The following CDH23 variants were observed in gnomAD, a reference collection of about 807,000 sequenced individuals.
The protein encoded by CDH23 is cadherin-23.
CDH23 carries 189 observed loss-of-function variants against 317.1 expected under a neutral mutation model. The observed-to-expected ratio is 0.60, with a 90% CI of 0.53 to 0.67. The LOEUF is 0.67. CDH23 is among the 30% of genes least tolerant of loss of function. The pLI is 0.00. For missense variants in CDH23, 4,401 were observed against 4,592.4 expected, an observed-to-expected ratio of 0.96 and a Z score of 1.20; for synonymous variants, 1,839 against 1,876.8, an observed-to-expected ratio of 0.98 and a Z score of 0.52.
In CDH23 at chr10:71,439,871, C is replaced by A. The variant is rs1234236566; in HGVS notation, c.40C>A (p.Leu14Ile). The change falls in exon 2 of 70, where the codon CTT becomes ATT. Residue 14 changes from leucine (L) to isoleucine (I), a missense_variant. Physicochemically the swap from Leu to Ile is conservative, Grantham distance 5. Coordinates refer to ENST00000224721, the MANE Select transcript of CDH23 (RefSeq NM_022124.6). ...TGCCACCAGCTGCCACGTGGCCTGG[C>A]TTTTGGTGCTGATCTCTGGATGCTG... is the stretch of plus-strand genomic sequence containing the variant. ...HVATSCHVAW[L>I]LVLISGCWGQ... 1 of 1,575,574 alleles carries A rather than the reference C, an allele frequency of 6.3e-7. No individual in the cohort carries two copies. Among genetic ancestry groups the A allele is most frequent in the South Asian group, 1.2e-5 (1 of 85,712 alleles).
chr10:71,436,658 A>G (rs1301919357), intron 1 of CDH23, among the ~76,000 whole-genome samples: 1 of 152,132 alleles, frequency 6.6e-6, no homozygotes, highest in Non-Finnish European at 1.5e-5. Flanking sequence ...ACCCGTGAAA[A>G]TCCTTGGCCT....
intron 6 of CDH23, among the ~76,000 whole-genome samples, chr10:71,540,250 C>A (rs1855914558): frequency 6.6e-6 from 1 of 152,176 alleles, no homozygotes; most frequent in Non-Finnish European, 1.5e-5. Context: ...GGAACCCACC[C>A]TCTTATCAGC....
At chr10:71,790,540 G>C in intron 46 of CDH23, 127 bp downstream of exon 46, 1 of 1,248,098 alleles carries the variant, frequency 8.0e-7, no homozygotes, top group South Asian at 1.5e-5. Flanking sequence ...ATTTTTCACA[G>C]CCCAGAGTCC....
chr10:71,626,720 G>A (rs150003666), intron 11 of CDH23, among the ~76,000 whole-genome samples: 32 of 152,324 alleles, frequency 2.1e-4, no homozygotes, highest in African/African-American at 5.8e-4. Flanking sequence ...CCAGCATCCC[G>A]TGGGGCAGAT....
chr10:71,798,132 C>T (rs1232833992), intron 49 of CDH23, among the ~76,000 whole-genome samples: 1 of 152,088 alleles, frequency 6.6e-6, no homozygotes, highest in Admixed American at 6.5e-5. Flanking sequence ...GGGCCGAGGG[C>T]TCCACCAGGG....
At chr10:71,419,317 C>T (rs1418621175) in intron 1 of CDH23, among the ~76,000 whole-genome samples, 1 of 152,194 alleles carries the variant, frequency 6.6e-6, no homozygotes, top group African/African-American at 2.4e-5. Context: ...AGCAACATCC[C>T]TTAGCCTCTG....
rs370107953 is a variant in CDH23 at position 71,706,972 on chromosome 10, G to A, written c.3029G>A (p.Arg1010His). The part of the protein sequence containing the change: ...YNVSVSEDVP[R>H]EFRVVWLNCT... ...GTGTCTGTGTCCGAGGACGTGCCAC[G>A]CGAGTTCCGGGTGGTCTGGCTGAAC... Residue 1010 changes from arginine to histidine, a missense_variant, in exon 26 of 70, where the codon CGC becomes CAC. Transcript: ENST00000224721. 1.4e-4 allele frequency: 225 copies of A among 1,607,202 alleles called. No individual in the cohort carries two copies. Among genetic ancestry groups the A allele is most frequent in the Admixed American group, 2.5e-4 (15 of 59,164 alleles).
At chr10:71,755,822 C>A (rs1840128012) in intron 38 of CDH23, among the ~76,000 whole-genome samples, 1 of 152,160 alleles carries the variant, frequency 6.6e-6, no homozygotes, top group South Asian at 2.1e-4. Flanking sequence ...AGGGCCTTCG[C>A]AGACCCCATG....
chr10:71,570,658 G>A, intron 7 of CDH23, 132 bp from the exon 8 acceptor site: 1 of 942,136 alleles, frequency 1.1e-6, no homozygotes, highest in Non-Finnish European at 1.6e-6. Context: ...AAGAGCATGG[G>A]TGTGTGTGTG....
chr10:71,570,639 C>A (rs539595748), intron 7 of CDH23, 151 bp from the exon 8 acceptor site: 4 of 809,168 alleles, frequency 4.9e-6, no homozygotes, highest in African/African-American at 3.6e-5. Flanking sequence ...CCCTTCCCTG[C>A]TGGAGTGCAA....
At chr10:71,716,148 G>A in intron 28 of CDH23, 1 of 1,550,492 alleles carries the variant, frequency 6.4e-7, no homozygotes, top group South Asian at 1.2e-5. Flanking sequence ...CTCGGGTCCA[G>A]CGCGGCCGGC....
At chr10:71,806,303 G>T in intron 57 of CDH23, 22 bp downstream of exon 57, 1 of 1,506,440 alleles carries the variant, frequency 6.6e-7, no homozygotes, top group Non-Finnish European at 9.0e-7. Context: ...CACCTCCTGC[G>T]CTGGTCACAC....
At chr10:71,675,896 C>A (rs1274274962) in intron 15 of CDH23, among the ~76,000 whole-genome samples, 1 of 140,574 alleles carries the variant, frequency 7.1e-6, no homozygotes, top group Non-Finnish European at 1.5e-5. Context: ...CAAAGGCAGC[C>A]CTCTAACTTT....
chr10:71,527,302 T>C (rs181054799), intron 6 of CDH23, among the ~76,000 whole-genome samples: 14 of 152,302 alleles, frequency 9.2e-5, no homozygotes, highest in Admixed American at 8.5e-4. Context: ...CACGGGTCAG[T>C]GCCCCCAAGT....
intron 19 of CDH23, among the ~76,000 whole-genome samples, chr10:71,688,261 C>T (rs1260122919): frequency 1.3e-5 from 2 of 152,254 alleles, no homozygotes; most frequent in Non-Finnish European, 2.9e-5. Flanking sequence ...GGCAGGCTGG[C>T]AGCTTCGCCC....
intron 3 of CDH23, among the ~76,000 whole-genome samples, chr10:71,509,722 A>T (rs944545897): frequency 5.9e-5 from 9 of 152,240 alleles, no homozygotes; most frequent in African/African-American, 2.2e-4. Context: ...ATCTTGGAAC[A>T]TAAGACTTGA....
intron 23 of CDH23, 123 bp downstream of exon 23, chr10:71,702,334 T>C: frequency 8.4e-7 from 1 of 1,189,846 alleles, no homozygotes; most frequent in Non-Finnish European, 1.2e-6. Flanking sequence ...AAGAGTAGAG[T>C]AATACCCACG....
At chr10:71,608,580 G>T (rs573503129) in intron 9 of CDH23, among the ~76,000 whole-genome samples, 1 of 152,350 alleles carries the variant, frequency 6.6e-6, no homozygotes, top group African/African-American at 2.4e-5. Flanking sequence ...GCAGAGGGAG[G>T]AAGAGAAACT....
intron 6 of CDH23, among the ~76,000 whole-genome samples, chr10:71,548,677 G>A (rs1856422321): frequency 6.6e-6 from 1 of 152,226 alleles, no homozygotes; most frequent in Admixed American, 6.5e-5. Flanking sequence ...CAGTCCTCAG[G>A]GTAGTACTTA....
Sources: gnomAD v4.1 joint callset for allele counts (sites outside exome capture counted in the v4.1 genomes callset) on GRCh38, gnomAD v4.1.1 for gene constraint, MANE v1.5 for transcripts, NCBI Gene and HGNC (gene_info 2026-07-23, HGNC 2026-07-21) for gene names.